Variants in BABAM2 observed in about 807,000 individuals in gnomAD.
The protein encoded by BABAM2 is BRISC and BRCA1-A complex member 2.
Under a neutral mutation model 54.7 loss-of-function variants are expected in BABAM2, and 31 were observed. The ratio of observed to expected loss-of-function variants is 0.57; its 90% CI spans 0.43 to 0.77. The LOEUF is 0.77. Among genes scored for constraint, BABAM2 ranks in the 30% least tolerant of loss-of-function variants. The pLI is 0.00. For synonymous variants in BABAM2, 167 were observed against 162.9 expected (o/e 1.03, Z -0.19); for missense variants, 364 against 455.8 (o/e 0.80, Z 1.83).
At chr2:27,901,139 C>T (rs1174816034) in intron 2 of BABAM2, among the ~76,000 whole-genome samples, 1 of 151,624 alleles carries the variant, frequency 6.6e-6, no homozygotes, top group African/African-American at 2.4e-5. Context: ...TCTGAAGGGA[C>T]CAAATTATTA....
intron 6 of BABAM2, among the ~76,000 whole-genome samples, chr2:28,104,987 A>G (rs1667383627): frequency 6.6e-6 from 1 of 151,586 alleles, no homozygotes; most frequent in Admixed American, 6.6e-5. Flanking sequence ...GGAATTGAAC[A>G]ATGAGAACAC....
chr2:28,273,926 A>C (rs1685652798), intron 10 of BABAM2, among the ~76,000 whole-genome samples: 1 of 152,188 alleles, frequency 6.6e-6, no homozygotes, highest in African/African-American at 2.4e-5. Flanking sequence ...GTTTGTGAGG[A>C]TTAAATCACA....
chr2:28,040,302 T>TTTG (rs1348524513), intron 5 of BABAM2, among the ~76,000 whole-genome samples: 2 of 101,290 alleles, frequency 2.0e-5, no homozygotes, highest in African/African-American at 7.2e-5. Context: ...TTCTTTTTTT[T>TTTG]TTTTTTTTTT....
At chr2:28,287,226 G>T (rs1686898604) in intron 10 of BABAM2, among the ~76,000 whole-genome samples, 1 of 152,096 alleles carries the variant, frequency 6.6e-6, no homozygotes, top group Admixed American at 6.5e-5. Context: ...TAAGGATTTT[G>T]CATTTGAATA....
intron 10 of BABAM2, among the ~76,000 whole-genome samples, chr2:28,290,352 G>A (rs1047424837): frequency 5.3e-5 from 8 of 152,270 alleles, no homozygotes; most frequent in Admixed American, 1.3e-4. Flanking sequence ...TTGCTGTGTC[G>A]TGGAGTACAT....
At chr2:27,957,482 A>G (rs1335285741) in intron 3 of BABAM2, among the ~76,000 whole-genome samples, 9 of 152,196 alleles carry the variant, frequency 5.9e-5, no homozygotes, top group Non-Finnish European at 8.8e-5. Context: ...CCTTGAGCAC[A>G]TAATTTGCTT....
chr2:28,282,997 C>CAAA (rs370484850), intron 10 of BABAM2, among the ~76,000 whole-genome samples: 68 of 71,632 alleles, frequency 9.5e-4, no homozygotes, highest in East Asian at 6.0e-3. Flanking sequence ...GACTCCGTCC[C>CAAA]AAAAAAAAAA....
chr2:28,260,047 C>T (rs1300523242), intron 10 of BABAM2, among the ~76,000 whole-genome samples: 1 of 152,024 alleles, frequency 6.6e-6, no homozygotes, highest in African/African-American at 2.4e-5. Context: ...ATTACAGGCA[C>T]ATGCCACCAT....
At chr2:28,276,285 T>C (rs1685872123) in intron 10 of BABAM2, among the ~76,000 whole-genome samples, 1 of 151,582 alleles carries the variant, frequency 6.6e-6, no homozygotes, top group South Asian at 2.1e-4. Context: ...CGGTTGGTAC[T>C]TTCTCTCAGA....
intron 11 of BABAM2, among the ~76,000 whole-genome samples, chr2:28,306,781 C>T (rs1688564379): frequency 6.6e-6 from 1 of 151,764 alleles, no homozygotes; most frequent in South Asian, 2.1e-4. Flanking sequence ...ATGGCAACCT[C>T]CACCTCCTGG....
chr2:28,326,037 C>G (rs1224853583), intron 11 of BABAM2, among the ~76,000 whole-genome samples: 1 of 152,246 alleles, frequency 6.6e-6, no homozygotes, highest in Non-Finnish European at 1.5e-5. Context: ...CCTCGGAGCA[C>G]TGTTCCAGCT....
intron 7 of BABAM2, among the ~76,000 whole-genome samples, chr2:28,187,095 G>A (rs946095266): frequency 6.6e-6 from 1 of 152,146 alleles, no homozygotes. Flanking sequence ...GTGAGCCACC[G>A]CGCCCAGCCG....
chr2:28,109,722 G>C (rs991718999), intron 6 of BABAM2, among the ~76,000 whole-genome samples: 1 of 152,094 alleles, frequency 6.6e-6, no homozygotes, highest in Non-Finnish European at 1.5e-5. Flanking sequence ...TGGCTCATCC[G>C]GGGTATATGG....
rs545610393 is a variant in BABAM2, at chr2:28,053,096, T to G, written c.570+7297T>G. On this transcript the variant is annotated intron_variant, in intron 6 of 11. Coordinates refer to ENST00000379624, the MANE Select transcript of BABAM2 (RefSeq NM_199191.3). Reference sequence around the variant, plus strand: ...GCTTGTTAGGGTGGTATGTATTGATTATAATTCTTTTTCAGCACATGTAAG... The same window carrying G: ...GCTTGTTAGGGTGGTATGTATTGATGATAATTCTTTTTCAGCACATGTAAG... 5.3e-5 allele frequency among the ~76,000 whole-genome samples: 8 copies of G among 152,340 alleles called. No homozygotes were observed. The East Asian group carries it at 9.6e-4, about 18-fold the overall frequency.
At chr2:28,222,970 G>A in intron 7 of BABAM2, among the ~76,000 whole-genome samples, 1 of 152,164 alleles carries the variant, frequency 6.6e-6, no homozygotes, top group Non-Finnish European at 1.5e-5. Flanking sequence ...TGTTACTATT[G>A]TGGCTGTTTT....
intron 4 of BABAM2, among the ~76,000 whole-genome samples, chr2:28,008,719 C>A (rs370157535): frequency 2.0e-5 from 3 of 152,186 alleles, no homozygotes; most frequent in South Asian, 4.1e-4. Context: ...GCACTTTCCC[C>A]CCAGGGCACC....
chr2:27,961,597 C>T (rs1185756539), intron 3 of BABAM2, among the ~76,000 whole-genome samples: 1 of 152,106 alleles, frequency 6.6e-6, no homozygotes, highest in Non-Finnish European at 1.5e-5. Context: ...GAGGTAACCC[C>T]ATTGTAAGTT....
chr2:28,192,731 C>T (rs148482297), intron 7 of BABAM2, among the ~76,000 whole-genome samples: 3,269 of 151,516 alleles, frequency 0.022, 61 homozygotes, highest in Middle Eastern at 0.11. Flanking sequence ...ACCATGTTGG[C>T]CAGGATGATC....
At chr2:28,180,992 C>T (rs1220931621) in intron 7 of BABAM2, among the ~76,000 whole-genome samples, 1 of 152,086 alleles carries the variant, frequency 6.6e-6, no homozygotes, top group African/African-American at 2.4e-5. Context: ...GAAAAGGGAA[C>T]CCTTATGCAC....
Sources: allele counts gnomAD v4.1 joint callset (sites outside exome capture counted in the v4.1 genomes callset), GRCh38; gene constraint gnomAD v4.1.1; transcripts MANE v1.5; gene names NCBI Gene and HGNC (gene_info 2026-07-23, HGNC 2026-07-21).